Variants in NR5A2 observed in about 807,000 individuals in gnomAD.
The protein encoded by NR5A2 is CYP7A promoter-binding factor.
Under a neutral mutation model 62.7 loss-of-function variants are expected in NR5A2, and 26 were observed. The observed-to-expected ratio is 0.41, with a 90% CI of 0.30 to 0.58. The LOEUF is 0.58. Among genes scored for constraint, NR5A2 ranks in the 20% least tolerant of loss-of-function variants. The pLI, the probability that NR5A2 is intolerant of heterozygous loss-of-function variation, is 0.22. For missense variants in NR5A2, 541 were observed against 669.1 expected, an observed-to-expected ratio of 0.81 and a Z score of 2.11; for synonymous variants, 246 against 241.7, an observed-to-expected ratio of 1.02 and a Z score of -0.16.
At chr1:200,079,346 C>G (rs1664184494) in intron 5 of NR5A2, among the ~76,000 whole-genome samples, 2 of 152,134 alleles carry the variant, frequency 1.3e-5, no homozygotes, top group Admixed American at 1.3e-4. Flanking sequence ...GTAACCATGC[C>G]CCTGGTCCAT....
intron 5 of NR5A2, among the ~76,000 whole-genome samples, chr1:200,068,235 T>G (rs893528928): frequency 2.6e-5 from 4 of 152,224 alleles, no homozygotes; most frequent in African/African-American, 9.6e-5. Context: ...TCTCTCCTCC[T>G]GGGGCAGAGC....
intron 5 of NR5A2, among the ~76,000 whole-genome samples, chr1:200,091,535 A>G (rs1320014126): frequency 7.5e-6 from 1 of 132,678 alleles, no homozygotes; most frequent in South Asian, 2.3e-4. Flanking sequence ...CCCAGGTGGG[A>G]GTGCAGTGGC....
At chr1:200,143,738 T>C (rs1312627282) in intron 7 of NR5A2, among the ~76,000 whole-genome samples, 1 of 149,154 alleles carries the variant, frequency 6.7e-6, no homozygotes, top group African/African-American at 2.5e-5. Flanking sequence ...GCCTCCCGAG[T>C]TCAAGCGATT....
At chr1:200,138,403 C>G (rs1558162167) in intron 7 of NR5A2, among the ~76,000 whole-genome samples, 1 of 152,092 alleles carries the variant, frequency 6.6e-6, no homozygotes, top group Non-Finnish European at 1.5e-5. Flanking sequence ...TGATATTGAA[C>G]ATCTTTCTGT....
chr1:200,164,738 G>A (rs1353906450), intron 7 of NR5A2, among the ~76,000 whole-genome samples: 1 of 151,354 alleles, frequency 6.6e-6, no homozygotes, highest in East Asian at 1.9e-4. Flanking sequence ...AGAAGAGATG[G>A]AGTTTCTACA....
At chr1:200,127,675 TCAAAA>T (rs1666764958) in intron 7 of NR5A2, among the ~76,000 whole-genome samples, 1 of 30,166 alleles carries the variant, frequency 3.3e-5, no homozygotes, top group Non-Finnish European at 5.7e-5. Context: ...AGACTCTGTC[TCAAAA>T]AAAAAAAAAA....
intron 7 of NR5A2, among the ~76,000 whole-genome samples, chr1:200,164,195 C>T (rs753836211): frequency 2.8e-4 from 43 of 152,184 alleles, no homozygotes; most frequent in Admixed American, 2.0e-3. Flanking sequence ...GATGCCAACA[C>T]CATGCTTCCT....
At chr1:200,056,921 T>A (rs1662939890) in intron 5 of NR5A2, among the ~76,000 whole-genome samples, 1 of 152,182 alleles carries the variant, frequency 6.6e-6, no homozygotes, top group Non-Finnish European at 1.5e-5. Flanking sequence ...TGCTACCGCA[T>A]ACCTGACTGC....
intron 7 of NR5A2, among the ~76,000 whole-genome samples, chr1:200,125,500 C>T (rs1274614244): frequency 6.6e-6 from 1 of 152,064 alleles, no homozygotes; most frequent in African/African-American, 2.4e-5. Flanking sequence ...CTCAACTGGC[C>T]CAGACAGAAA....
intron 7 of NR5A2, among the ~76,000 whole-genome samples, chr1:200,121,920 C>T (rs1666496087): frequency 6.6e-6 from 1 of 152,110 alleles, no homozygotes; most frequent in South Asian, 2.1e-4. Flanking sequence ...AAATTTGGTA[C>T]TTTATTTTTA....
intron 6 of NR5A2, among the ~76,000 whole-genome samples, chr1:200,113,232 T>C (rs2821329): frequency 0.89 from 135,382 of 151,676 alleles, 60,439 homozygotes; most frequent in East Asian, 0.97. Flanking sequence ...CCCTCCCCAC[T>C]CTTTAAATAT....
chr1:200,134,884 T>C (rs1246730414), intron 7 of NR5A2, among the ~76,000 whole-genome samples: 3 of 152,208 alleles, frequency 2.0e-5, no homozygotes, highest in Admixed American at 2.0e-4. Flanking sequence ...CCACCATTTG[T>C]CTCTAGAACT....
intron 5 of NR5A2, among the ~76,000 whole-genome samples, chr1:200,065,395 G>A (rs746807385): frequency 1.3e-4 from 19 of 150,572 alleles, no homozygotes; most frequent in Non-Finnish European, 2.4e-4. Context: ...CCACCACCTC[G>A]GCCTCCCAAA....
intron 1 of NR5A2, chr1:200,029,698 C>T (rs1661479674): frequency 6.6e-6 from 1 of 152,266 alleles, no homozygotes; most frequent in Non-Finnish European, 1.5e-5. Flanking sequence ...GCGCCGGATT[C>T]CGGGATAACA....
At chr1:200,064,020 A>G (rs984693260) in intron 5 of NR5A2, among the ~76,000 whole-genome samples, 1 of 152,128 alleles carries the variant, frequency 6.6e-6, no homozygotes, top group Non-Finnish European at 1.5e-5. Flanking sequence ...ATGGTGGCTT[A>G]TGCCTGTAAT....
chr1:200,061,460 TAG>T, intron 5 of NR5A2, among the ~76,000 whole-genome samples: 1 of 151,944 alleles, frequency 6.6e-6, no homozygotes, highest in South Asian at 2.1e-4. Context: ...GTATTTTTAG[TAG>T]AGACAAGACT....
chr1:200,128,272 T>G (rs1336775335), intron 7 of NR5A2, among the ~76,000 whole-genome samples: 1 of 152,194 alleles, frequency 6.6e-6, no homozygotes, highest in Non-Finnish European at 1.5e-5. Context: ...AAAGTCTGCA[T>G]AAGATGTGGA....
rs1255589144 is a variant in NR5A2 at position 200,039,281 on chromosome 1, G to A, written c.65-377G>A. ...GGAAGGAGTCGCCCGAGCCGTCCGG[G>A]AGCAGTGGCAGCGGCACAGCCGGGG... On this transcript the variant is annotated intron_variant, in intron 1 of 7. Transcript: ENST00000367362. This position sits in a 1 kb window ranked among gnomAD's most constrained non-coding sequence, Gnocchi z 5.1. Among the ~76,000 whole-genome samples the A allele has an allele frequency of 6.6e-6, 1 of 152,068 alleles. No homozygotes were observed. Among genetic ancestry groups the A allele is most frequent in the Non-Finnish European group, 1.5e-5 (1 of 67,992 alleles).
intron 5 of NR5A2, among the ~76,000 whole-genome samples, chr1:200,055,504 T>C (rs995301893): frequency 1.3e-5 from 2 of 152,116 alleles, no homozygotes; most frequent in Non-Finnish European, 2.9e-5. Flanking sequence ...TACTTTTCTA[T>C]GGGAGAGAAA....
Sources: gnomAD v4.1 joint callset for allele counts (sites outside exome capture counted in the v4.1 genomes callset) on GRCh38, gnomAD v4.1.1 for gene constraint, Gnocchi (gnomAD v3.1) non-coding constraint, MANE v1.5 for transcripts, NCBI Gene and HGNC (gene_info 2026-07-23, HGNC 2026-07-21) for gene names.